Variants in ATPSCKMT observed in about 807,000 individuals in gnomAD.
ATPSCKMT encodes ATP synthase c subunit lysine N-methyltransferase.
ATPSCKMT carries 24 observed loss-of-function variants against 24.3 expected under a neutral mutation model. That is an observed-to-expected ratio of 0.99 (90% CI 0.71 to 1.39). The LOEUF is 1.39. ATPSCKMT is among the 40% of genes most tolerant of loss of function. The pLI is 0.00. For missense variants in ATPSCKMT, 311 were observed against 298.4 expected (o/e 1.04, Z -0.31); for synonymous variants, 95 against 110.5 (o/e 0.86, Z 0.88).
At chr5:10,234,927 T>G (rs1744307713) in intron 4 of ATPSCKMT, among the ~76,000 whole-genome samples, 2 of 152,192 alleles carry the variant, frequency 1.3e-5, no homozygotes. Flanking sequence ...CAAACTACAT[T>G]AGACACGGGA....
At chr5:10,239,474 C>G in intron 1 of ATPSCKMT, 118 bp from the exon 2 acceptor site, 2 of 871,934 alleles carry the variant, frequency 2.3e-6, no homozygotes, top group South Asian at 1.7e-5. Flanking sequence ...GATAATTTAG[C>G]TGAATACAAG....
At chr5:10,235,179 C>A (rs746040225) in intron 4 of ATPSCKMT, 32 bp downstream of exon 4, 7 of 1,611,102 alleles carry the variant, frequency 4.3e-6, no homozygotes, top group Non-Finnish European at 5.9e-6. Context: ...ATCATCTAAC[C>A]CCAAACAGAG....
chr5:10,245,055 G>GTTGT (rs1428355878), intron 1 of ATPSCKMT, among the ~76,000 whole-genome samples: 1 of 152,188 alleles, frequency 6.6e-6, no homozygotes, highest in Admixed American at 6.5e-5. Flanking sequence ...AACTTAATTA[G>GTTGT]TTGTTTAACA....
intron 3 of ATPSCKMT, 128 bp downstream of exon 3, chr5:10,236,350 A>G (rs1488199951): frequency 1.7e-6 from 2 of 1,160,226 alleles, no homozygotes; most frequent in African/African-American, 3.1e-5. Flanking sequence ...ATATTTCATT[A>G]TGCCAGAATA....
In ATPSCKMT at chr5:10,239,387, G is replaced by A; in HGVS notation, c.17-31C>T. 3 of 1,553,162 alleles carry A rather than the reference G, an allele frequency of 1.9e-6. No homozygotes were observed. In the South Asian group the frequency reaches 3.6e-5, roughly 19 times the overall value. ...TTGAAAGCAAGCAGAAGAGACACAT[G>A]TAGCACCAAATCTGAAATCCAAGAG... On this transcript the variant is annotated intron_variant, in intron 1 of 4. Transcript: ENST00000511437.
intron 2 of ATPSCKMT, among the ~76,000 whole-genome samples, chr5:10,237,948 T>C (rs1219218778): frequency 1.3e-5 from 2 of 152,154 alleles, no homozygotes; most frequent in African/African-American, 2.4e-5. Flanking sequence ...GGTTTCACCA[T>C]GTTGGTTAGG....
chr5:10,234,600 A>C (rs1192335479), intron 4 of ATPSCKMT, among the ~76,000 whole-genome samples: 3 of 152,246 alleles, frequency 2.0e-5, no homozygotes, highest in Non-Finnish European at 4.4e-5. Flanking sequence ...TTGAAACGTG[A>C]AAAGGGATTT....
At chr5:10,234,198 G>A (rs1349270124) in intron 4 of ATPSCKMT, among the ~76,000 whole-genome samples, 2 of 152,064 alleles carry the variant, frequency 1.3e-5, no homozygotes, top group Non-Finnish European at 2.9e-5. Flanking sequence ...CGTGGTGGCA[G>A]GTGCCTGTAG....
At chr5:10,232,553 A>T (rs978466600) in intron 4 of ATPSCKMT, among the ~76,000 whole-genome samples, 2 of 152,244 alleles carry the variant, frequency 1.3e-5, no homozygotes, top group East Asian at 1.9e-4. Flanking sequence ...AGCTCGCCTC[A>T]TTGTCATCAA....
intron 4 of ATPSCKMT, among the ~76,000 whole-genome samples, chr5:10,232,869 C>T (rs1332218815): frequency 6.6e-6 from 1 of 152,252 alleles, no homozygotes; most frequent in African/African-American, 2.4e-5. Flanking sequence ...TACACAAGAG[C>T]AAGGCTGATC....
At chr5:10,241,408 T>A (rs1356784583) in intron 1 of ATPSCKMT, among the ~76,000 whole-genome samples, 1 of 152,158 alleles carries the variant, frequency 6.6e-6, no homozygotes, top group Non-Finnish European at 1.5e-5. Flanking sequence ...GCAGTACAAA[T>A]TTGAACCCAA....
chr5:10,239,073 T>A lies in ATPSCKMT; in HGVS notation c.300A>T (p.Gly100=), dbSNP rs776925906. Residue 100 remains glycine, a synonymous_variant, in exon 2 of 5, where the codon GGA becomes GGT. Coordinates refer to ENST00000511437, the MANE Select transcript of ATPSCKMT (RefSeq NM_199133.4). ...GSLVDIGSGD[G]RIVIAAAKKG... The stretch of plus-strand genomic sequence containing the variant: ...ATGTTTTAGCAGAACTCACAATGCG[T>A]CCGTCCCCACTACCGATGTCCACAA... The A allele has an allele frequency of 1.2e-6, 2 of 1,613,532 alleles. No individual in the cohort carries two copies. The highest frequency in any genetic ancestry group is 4.5e-5 in the East Asian group (2 of 44,876).
chr5:10,225,777 T>A lies in ATPSCKMT; in HGVS notation c.*1664A>T, dbSNP rs1232496744. Among the ~76,000 whole-genome samples, 1 of 152,042 alleles carries A rather than the reference T, an allele frequency of 6.6e-6. No individual in the cohort carries two copies. The highest frequency in any genetic ancestry group is 1.9e-4 in the East Asian group (1 of 5,172). On this transcript the variant is annotated 3_prime_UTR_variant, in exon 5 of 5. Coordinates refer to ENST00000511437, the MANE Select transcript of ATPSCKMT (RefSeq NM_199133.4). The stretch of plus-strand genomic sequence containing the variant: ...CAGCCAAACCATATCAATGCCTCTA[T>A]AAACCCACCAGGAACACTTCTAGAA...
At chr5:10,247,444 G>A (rs1390034810) in intron 1 of ATPSCKMT, among the ~76,000 whole-genome samples, 4 of 152,138 alleles carry the variant, frequency 2.6e-5, no homozygotes, top group African/African-American at 9.7e-5. Flanking sequence ...AGGCTCAAAC[G>A]ATCCTCCCAC....
intron 4 of ATPSCKMT, among the ~76,000 whole-genome samples, chr5:10,229,861 C>T (rs1299515684): frequency 2.6e-5 from 4 of 152,210 alleles, no homozygotes; most frequent in African/African-American, 9.7e-5. Flanking sequence ...AGGCTCTTGC[C>T]GCTGGCTTCT....
chr5:10,239,871 GT>G (rs1204831543), intron 1 of ATPSCKMT, among the ~76,000 whole-genome samples: 1 of 152,046 alleles, frequency 6.6e-6, no homozygotes, highest in East Asian at 1.9e-4. Context: ...CAAAAATCAG[GT>G]TTTACCAAAT....
intron 2 of ATPSCKMT, among the ~76,000 whole-genome samples, chr5:10,237,977 C>T (rs1208619907): frequency 1.3e-5 from 2 of 152,210 alleles, no homozygotes; most frequent in African/African-American, 2.4e-5. Context: ...GAACTCCTGA[C>T]CTCGTGATCT....
At position 10,230,394 on chromosome 5, in the gene ATPSCKMT, C is replaced by T. The variant is rs557655711; in HGVS notation, c.496-2747G>A. ...TGTTCATAAAAAGGATAATTATAAA[C>T]TTATTCATGATGCTATTATTCTTTT... On this transcript the variant is annotated intron_variant, in intron 4 of 4. Transcript: ENST00000511437. Among the ~76,000 whole-genome samples, 4 of 152,178 alleles carry T rather than the reference C, an allele frequency of 2.6e-5. No individual in the cohort carries two copies. The South Asian group carries it at 8.3e-4, about 32-fold the overall frequency.
chr5:10,233,197 C>T (rs1744228103), intron 4 of ATPSCKMT, among the ~76,000 whole-genome samples: 1 of 152,150 alleles, frequency 6.6e-6, no homozygotes, highest in African/African-American at 2.4e-5. Context: ...ACATGGCATG[C>T]TGGCTTTGTG....
Sources: gnomAD v4.1 joint callset for allele counts (sites outside exome capture counted in the v4.1 genomes callset) on GRCh38, gnomAD v4.1.1 for gene constraint, MANE v1.5 for transcripts, NCBI Gene and HGNC (gene_info 2026-07-23, HGNC 2026-07-21) for gene names.